The following RAD21 variants were observed in gnomAD, a reference collection of about 807,000 sequenced individuals.
RAD21 encodes RAD21 cohesin complex component.
A neutral mutation model predicts 71.5 loss-of-function variants in RAD21; 18 were observed. That is an observed-to-expected ratio of 0.25 (90% CI 0.17 to 0.37). The LOEUF (loss-of-function observed/expected upper bound fraction) is 0.37. Among genes scored for constraint, RAD21 ranks in the 10% least tolerant of loss-of-function variants. The probability of loss-of-function intolerance (pLI) is 1.00; values close to 1 mark genes in which losing one functional copy is unlikely to be tolerated. For synonymous variants in RAD21, 248 were observed against 254.0 expected (o/e 0.98, Z 0.22); for missense variants, 493 against 769.1 (o/e 0.64, Z 4.25).
At position 116,856,705 on chromosome 8, in the gene RAD21, C is replaced by T; in HGVS notation, c.755G>A (p.Gly252Glu). 1 of 1,592,148 alleles carries T rather than the reference C, an allele frequency of 6.3e-7. No individual in the cohort carries two copies. The highest frequency in any genetic ancestry group is 8.6e-7 in the Non-Finnish European group (1 of 1,168,670). Residue 252 changes from glycine to glutamate, a missense_variant, in exon 7 of 14, where the codon GGG becomes GAG. By Grantham distance (98) the Gly-to-Glu change is moderately conservative. Around this residue, in one of 5 missense-constraint regions of RAD21, gnomAD observed 165 missense variants for 229.6 expected, o/e 0.72. Coordinates refer to ENST00000297338, the MANE Select transcript of RAD21 (RefSeq NM_006265.3). ...FDDPPALSEA[G>E]VMLPEQPAHD... ...TGCAGGCTGCTCTGGCAACATCACCCCTGCCTCAGAGAGGGCAGGGGGATC... is the reference window on the plus strand; with the variant it reads ...TGCAGGCTGCTCTGGCAACATCACCTCTGCCTCAGAGAGGGCAGGGGGATC...
intron 12 of RAD21, among the ~76,000 whole-genome samples, chr8:116,850,312 C>T (rs906584620): frequency 2.6e-5 from 4 of 152,096 alleles, no homozygotes; most frequent in Non-Finnish European, 5.9e-5. Context: ...CAGTAAGAAT[C>T]GTCCACTGAC....
intron 12 of RAD21, among the ~76,000 whole-genome samples, chr8:116,849,889 G>C (rs564391960): frequency 6.6e-6 from 1 of 151,972 alleles, no homozygotes; most frequent in East Asian, 1.9e-4. Context: ...AACCTTTTTT[G>C]GTCTTGAAGA....
At chr8:116,851,893 C>T in intron 11 of RAD21, 55 bp downstream of exon 11, 1 of 1,535,224 alleles carries the variant, frequency 6.5e-7, no homozygotes. Flanking sequence ...ATACCACTTG[C>T]TACTGACTGT....
intron 1 of RAD21, among the ~76,000 whole-genome samples, chr8:116,869,656 T>G (rs913923381): frequency 2.6e-5 from 4 of 151,786 alleles, no homozygotes; most frequent in African/African-American, 9.7e-5. Context: ...AATAAGAACA[T>G]GAGATGTTCA....
At position 116,858,375 on chromosome 8, in the gene RAD21, C is replaced by T. The variant is rs868366731; in HGVS notation, c.458G>A (p.Ser153Asn). ...ACCAAAATCATTTTCTTGTAAAATA[C>T]TGATGTTCCCAACTTCTTCTCTCAT... ...ITMREEVGNI[S>N]ILQENDFGDF... The change falls in exon 5 of 14, where the codon AGT becomes AAT. Residue 153 changes from serine to asparagine, a missense_variant. By Grantham distance (46) the Ser-to-Asn change is conservative. This residue lies in a region of RAD21 where 165 missense variants were observed against 229.6 expected (regional missense o/e 0.72). Coordinates refer to ENST00000297338, the MANE Select transcript of RAD21 (RefSeq NM_006265.3). 6.2e-7 allele frequency: 1 copy of T among 1,610,570 alleles called. No homozygotes were observed. Among genetic ancestry groups the T allele is most frequent in the South Asian group, 1.1e-5 (1 of 91,012 alleles).
chr8:116,852,520 C>T, intron 10 of RAD21, 29 bp downstream of exon 10: 1 of 1,561,454 alleles, frequency 6.4e-7, no homozygotes, highest in Non-Finnish European at 8.7e-7. Flanking sequence ...ATGTGAACTT[C>T]ATCAAGGAAC....
intron 2 of RAD21, among the ~76,000 whole-genome samples, chr8:116,863,480 C>A (rs556692300): frequency 6.6e-6 from 1 of 152,210 alleles, no homozygotes; most frequent in East Asian, 1.9e-4. Flanking sequence ...CTAAACCATT[C>A]CATGAATTGT....
chr8:116,863,627 T>C (rs16888992), intron 2 of RAD21, among the ~76,000 whole-genome samples: 1 of 152,178 alleles, frequency 6.6e-6, no homozygotes, highest in Admixed American at 6.6e-5. Context: ...TCTCTGCTAA[T>C]ACCTGTTCTT....
chr8:116,866,944 A>G, intron 1 of RAD21, 183 bp from the exon 2 acceptor site: 1 of 400,590 alleles, frequency 2.5e-6, no homozygotes, highest in South Asian at 8.2e-5. Flanking sequence ...TAATTTTGAG[A>G]GAGGAAAAAA....
intron 5 of RAD21, among the ~76,000 whole-genome samples, chr8:116,857,904 T>A (rs955593553): frequency 2.0e-5 from 3 of 152,180 alleles, no homozygotes; most frequent in African/African-American, 4.8e-5. Context: ...ATCCAAGAGT[T>A]CGAGGCTGTA....
intron 12 of RAD21, 66 bp downstream of exon 12, chr8:116,850,552 A>G (rs928058493): frequency 1.0e-5 from 16 of 1,572,820 alleles, no homozygotes; most frequent in Middle Eastern, 2.3e-4. Context: ...GTTAGCCCCA[A>G]TATGAAAAAT....
At chr8:116,862,080 A>G in intron 3 of RAD21, 140 bp from the exon 4 acceptor site, 1 of 580,832 alleles carries the variant, frequency 1.7e-6, no homozygotes, top group Non-Finnish European at 3.0e-6. Flanking sequence ...TTGAAGCACA[A>G]GTACTTCTCT....
chr8:116,849,777 G>A (rs962629614), intron 12 of RAD21, among the ~76,000 whole-genome samples: 4 of 152,074 alleles, frequency 2.6e-5, no homozygotes, highest in Admixed American at 2.6e-4. Context: ...GGTAGAAGTG[G>A]CTCTGAAACT....
chr8:116,866,350 T>G (rs908220342), intron 2 of RAD21, among the ~76,000 whole-genome samples: 2 of 152,060 alleles, frequency 1.3e-5, no homozygotes, highest in East Asian at 3.9e-4. Context: ...GATGCTTATT[T>G]GCCATTAAAA....
chr8:116,873,636 G>T (rs10090189), intron 1 of RAD21, among the ~76,000 whole-genome samples: 5,101 of 149,804 alleles, frequency 0.034, 309 homozygotes, highest in African/African-American at 0.12. Flanking sequence ...CACAAACGCT[G>T]TTTTTTTTTT....
intron 4 of RAD21, among the ~76,000 whole-genome samples, chr8:116,859,460 C>G (rs914566923): frequency 5.9e-5 from 9 of 152,078 alleles, no homozygotes; most frequent in African/African-American, 1.9e-4. Flanking sequence ...AGGCTAGTCT[C>G]AAACCCCTGG....
chr8:116,856,293 A>AT lies in RAD21; in HGVS notation c.815-6_815-5insA. On this transcript the variant is annotated splice_polypyrimidine_tract_variant and splice_region_variant and intron_variant, in intron 7 of 13. Coordinates refer to ENST00000297338, the MANE Select transcript of RAD21 (RefSeq NM_006265.3). ...CAGGACTATCAGGCCCACCCACTGT[A>AT]AAAAAAAAAAAAAAAAAAAAAAGTC... 2 of 242,270 alleles carry AT rather than the reference A, an allele frequency of 8.3e-6. No homozygotes were observed. Among genetic ancestry groups the AT allele is most frequent in the Non-Finnish European group, 5.1e-6 (1 of 196,632 alleles). The allele number at this position is 242,270 out of a possible 1,614,324, so 15.0% of individuals were successfully genotyped here. A position where few individuals can be genotyped will look rare whatever the true frequency, so the allele number is the denominator to read the frequency against.
Position 116,852,369 on chromosome 8 carries a change from A to C in RAD21, c.1321+180T>G, listed in dbSNP as rs2241981. The C allele has an allele frequency of 0.056, 41,450 of 734,420 alleles. 3,542 individuals are homozygous for C. Among genetic ancestry groups the C allele is most frequent in the African/African-American group, 0.3 (16,694 of 55,692 alleles). 45.5% of individuals were successfully genotyped at this position (734,420 alleles called of 1,614,324 possible). A position where few individuals can be genotyped will look rare whatever the true frequency, so the allele number is the denominator to read the frequency against. ...TACCCTGCCAGTTCTGAACCTTAAAACTCTGGAAAGACAGGAGGCTTCATA... is the reference window on the plus strand; with the variant it reads ...TACCCTGCCAGTTCTGAACCTTAAACCTCTGGAAAGACAGGAGGCTTCATA... On this transcript the variant is annotated intron_variant, in intron 10 of 13. Coordinates refer to ENST00000297338, the MANE Select transcript of RAD21 (RefSeq NM_006265.3).
chr8:116,854,810 T>C (rs1387017835), intron 8 of RAD21, among the ~76,000 whole-genome samples: 2 of 152,208 alleles, frequency 1.3e-5, no homozygotes, highest in African/African-American at 4.8e-5. Context: ...GGGCTCATTT[T>C]CTCATTTGAA....
Sources: allele counts gnomAD v4.1 joint callset (sites outside exome capture counted in the v4.1 genomes callset), GRCh38; gene constraint gnomAD v4.1.1; regional missense constraint gnomAD v4.1.1; transcripts MANE v1.5; gene names NCBI Gene and HGNC (gene_info 2026-07-23, HGNC 2026-07-21).